RAD54L: variants seen among roughly 807,000 people sequenced by gnomAD.
RAD54L encodes RAD54 like.
RAD54L carries 74 observed loss-of-function variants against 91.6 expected under a neutral mutation model. The observed-to-expected ratio is 0.81, with a 90% CI of 0.67 to 0.98. The LOEUF is 0.98. RAD54L is among the 50% of genes least tolerant of loss of function. The pLI is 0.00. For synonymous variants in RAD54L, 304 were observed against 349.7 expected (o/e 0.87, Z 1.46); for missense variants, 887 against 945.7 (o/e 0.94, Z 0.81).
chr1:46,269,663 G>C (rs780547315), intron 9 of RAD54L, among the ~76,000 whole-genome samples: 2 of 152,112 alleles, frequency 1.3e-5, no homozygotes, highest in African/African-American at 4.8e-5. Context: ...CCTACTGCCT[G>C]CCATACCCAC....
intron 8 of RAD54L, among the ~76,000 whole-genome samples, chr1:46,264,500 G>A (rs28363224): frequency 0.044 from 6,749 of 152,290 alleles, 266 homozygotes; most frequent in African/African-American, 0.097. Flanking sequence ...ACTTACAAGC[G>A]TGACTTTCCA....
At chr1:46,255,515 T>C (rs1279830067) in intron 3 of RAD54L, among the ~76,000 whole-genome samples, 2 of 93,256 alleles carry the variant, frequency 2.1e-5, no homozygotes, top group Non-Finnish European at 5.0e-5. Context: ...TTTTTTTTTT[T>C]TGAGACATAG....
In RAD54L at chr1:46,273,335, T is replaced by G; in HGVS notation, c.1376-20T>G. 6.4e-7 allele frequency: 1 copy of G among 1,569,828 alleles called. No individual in the cohort carries two copies. The highest frequency in any genetic ancestry group is 8.8e-7 in the Non-Finnish European group (1 of 1,139,718). On this transcript the variant is annotated intron_variant, in intron 12 of 17. Coordinates refer to ENST00000371975, the MANE Select transcript of RAD54L (RefSeq NM_003579.4). ...ACTTCAGAAAGCAAAGTATCTGGGT[T>G]TTGTTTTGTTTTCTCCCAGATCCAG...
intron 9 of RAD54L, 186 bp downstream of exon 9, chr1:46,267,795 C>T: frequency 2.6e-6 from 2 of 780,898 alleles, no homozygotes; most frequent in South Asian, 1.6e-5. Flanking sequence ...TGCTGAGCAA[C>T]TCAGCAAAGC....
chr1:46,258,583 G>C, intron 3 of RAD54L, 103 bp from the exon 4 acceptor site: 1 of 917,240 alleles, frequency 1.1e-6, no homozygotes, highest in Non-Finnish European at 1.8e-6. Flanking sequence ...ATAAAGCCTC[G>C]AAGATGGATG....
In RAD54L at chr1:46,270,034, T is replaced by C. The variant is rs572342235; in HGVS notation, c.1043-625T>C. 2.0e-5 allele frequency among the ~76,000 whole-genome samples: 3 copies of C among 151,846 alleles called. No individual in the cohort carries two copies. In the East Asian group the frequency reaches 5.8e-4, roughly 29 times the overall value. On this transcript the variant is annotated intron_variant, in intron 9 of 17. Coordinates refer to ENST00000371975, the MANE Select transcript of RAD54L (RefSeq NM_003579.4). ...GCTGTGGTGAGCCATGATTGCCCCA[T>C]TGCATTCCAGCCTGGGCGACAGGGA...
chr1:46,250,254 G>C, intron 3 of RAD54L, 135 bp downstream of exon 3: 3 of 1,242,338 alleles, frequency 2.4e-6, no homozygotes, highest in Non-Finnish European at 3.5e-6. Context: ...CTTTGGACCT[G>C]CCCACAGCTG....
At position 46,253,612 on chromosome 1, in the gene RAD54L, TAAAA is replaced by T. The variant is rs775591800; in HGVS notation, c.210+3502_210+3505del. ...CCTGGTGACAGAGCGAGACTCTGTC[TAAAA>T]AAAAAAAAGAATTCACACAAAAAAT... On this transcript the variant is annotated intron_variant, in intron 3 of 17. Transcript: ENST00000371975. Among the ~76,000 whole-genome samples the T allele has an allele frequency of 2.4e-5, 3 of 127,142 alleles. No homozygotes were observed. The Admixed American group carries it at 2.5e-4, about 11-fold the overall frequency. 83.4% of individuals were successfully genotyped at this position (127,142 alleles called of 152,430 possible).
chr1:46,259,997 G>A lies in RAD54L; in HGVS notation c.305G>A (p.Arg102Lys), dbSNP rs765591007. The change falls in exon 5 of 18, where the codon AGG becomes AAG. Residue 102 changes from arginine (R) to lysine (K), a missense_variant. Transcript: ENST00000371975. ...GGCTCTCGAGCATTGGGCCTGAAAA[G>A]GGCTGGGGTCCGCCGGGCCCTCCAT... ...PLGSRALGLK[R>K]AGVRRALHDP... The A allele has an allele frequency of 6.2e-6, 10 of 1,614,032 alleles. No homozygotes were observed. Among genetic ancestry groups the A allele is most frequent in the Non-Finnish European group, 8.5e-7 (1 of 1,180,034 alleles).
rs377020524 is a variant in RAD54L, at chr1:46,273,743, C to T, written c.1606C>T (p.Arg536Ter). 2.2e-5 allele frequency: 36 copies of T among 1,605,288 alleles called. No homozygotes were observed. The highest frequency in any genetic ancestry group is 1.5e-4 in the African/African-American group (11 of 74,938). Residue 536 changes from arginine (R) to a stop codon, truncating the protein, a stop_gained, in exon 14 of 18, where the codon CGA (arginine) becomes TGA (stop). Coordinates refer to ENST00000371975, the MANE Select transcript of RAD54L (RefSeq NM_003579.4). LOFTEE classifies it high-confidence loss of function. ...LDLFEKLCRA[R>*]RYLYVRLDGT... Reference sequence around the variant, plus strand: ...TCTCTTTGAGAAGCTGTGCCGTGCCCGAAGGTAGGGAAGATCCTAACCAGG... The same window carrying T: ...TCTCTTTGAGAAGCTGTGCCGTGCCTGAAGGTAGGGAAGATCCTAACCAGG...
In RAD54L at chr1:46,260,563, G is replaced by C; in HGVS notation, c.429G>C (p.Val143=). Residue 143 remains valine, a synonymous_variant, in exon 6 of 18, where the codon GTG becomes GTC. Coordinates refer to ENST00000371975, the MANE Select transcript of RAD54L (RefSeq NM_003579.4). The stretch of plus-strand genomic sequence containing the variant: ...TCAGGGAGAAACTCCCTGTCCATGT[G>C]GTTGTTGACCCTATTCTCAGTAAGG... ...KLDKEKLPVH[V]VVDPILSKVL... 2.5e-6 allele frequency: 4 copies of C among 1,614,100 alleles called. No individual in the cohort carries two copies. In the South Asian group the frequency reaches 4.4e-5, roughly 18 times the overall value.
At chr1:46,271,476 G>A (rs184047061) in intron 10 of RAD54L, among the ~76,000 whole-genome samples, 1 of 152,160 alleles carries the variant, frequency 6.6e-6, no homozygotes, top group East Asian at 1.9e-4. Context: ...GCCAACATGG[G>A]GAAACTCCCA....
chr1:46,254,274 CTCTTTTTTTT>C (rs1347851631), intron 3 of RAD54L, among the ~76,000 whole-genome samples: 4 of 151,594 alleles, frequency 2.6e-5, no homozygotes, highest in South Asian at 2.1e-4. Context: ...TGCATCTGGC[CTCTTTTTTTT>C]TCTTTTTTTT....
chr1:46,248,341 TA>T lies in RAD54L; in HGVS notation c.-64del, dbSNP rs1180400364. 6.2e-7 allele frequency: 1 copy of T among 1,603,880 alleles called. No homozygotes were observed. The highest frequency in any genetic ancestry group is 1.3e-5 in the African/African-American group (1 of 74,714). On this transcript the variant is annotated 5_prime_UTR_variant, in exon 1 of 18. Coordinates refer to ENST00000371975, the MANE Select transcript of RAD54L (RefSeq NM_003579.4). ...AGATTAGACCCTGGTCCTACACTCT[TA>T]GCCGCTGCCTGCTTTTGACCTTTGG...
Position 46,248,308 on chromosome 1 carries a change from C to T in RAD54L, c.-98C>T. 1 of 1,433,478 alleles carries T rather than the reference C, an allele frequency of 7.0e-7. No individual in the cohort carries two copies. The highest frequency in any genetic ancestry group is 9.8e-7 in the Non-Finnish European group (1 of 1,025,558). The allele number at this position is 1,433,478 out of a possible 1,614,324, so 88.8% of individuals were successfully genotyped here. ...CGGTCCTCTCAATAATGTAGCAGCC[C>T]CCTCTACAGATTAGACCCTGGTCCT... On this transcript the variant is annotated 5_prime_UTR_variant, in exon 1 of 18. Transcript: ENST00000371975.
chr1:46,264,592 C>T (rs1569591820), intron 8 of RAD54L, among the ~76,000 whole-genome samples: 5 of 152,274 alleles, frequency 3.3e-5, no homozygotes, highest in African/African-American at 9.6e-5. Flanking sequence ...TGATACAGAT[C>T]AAGAGAGGAT....
Position 46,261,260 on chromosome 1 carries a change from G to C in RAD54L, c.767-1G>C, listed in dbSNP as rs56884435. ...TTCCCTTTACACCTTTTCTGTTGTAGAAGGATTCATGAACCAGCGTGGAGC... is the reference window on the plus strand; with the variant it reads ...TTCCCTTTACACCTTTTCTGTTGTACAAGGATTCATGAACCAGCGTGGAGC... On this transcript the variant is annotated splice_acceptor_variant, in intron 7 of 17. Coordinates refer to ENST00000371975, the MANE Select transcript of RAD54L (RefSeq NM_003579.4). LOFTEE classifies it high-confidence loss of function. The C allele has an allele frequency of 1.2e-6, 2 of 1,605,076 alleles. No homozygotes were observed. The highest frequency in any genetic ancestry group is 2.2e-5 in the East Asian group (1 of 44,620).
At chr1:46,268,765 C>T (rs1408895764) in intron 9 of RAD54L, among the ~76,000 whole-genome samples, 1 of 152,098 alleles carries the variant, frequency 6.6e-6, no homozygotes, top group Non-Finnish European at 1.5e-5. Flanking sequence ...ACAATTTATT[C>T]TACTGGTTTG....
Position 46,274,859 on chromosome 1 carries a change from T to C in RAD54L, c.1869+142T>C. ...GGGCCCAGAAGTGAGTCTTTTATTC[T>C]TCTGTTCTCCCTCCCCTTCTCTCCA... On this transcript the variant is annotated intron_variant, in intron 16 of 17. Coordinates refer to ENST00000371975, the MANE Select transcript of RAD54L (RefSeq NM_003579.4). 3 of 982,384 alleles carry C rather than the reference T, an allele frequency of 3.1e-6. No individual in the cohort carries two copies. The South Asian group carries it at 4.0e-5, about 13-fold the overall frequency. 60.9% of individuals were successfully genotyped at this position (982,384 alleles called of 1,614,324 possible).
Sources: gnomAD v4.1 joint callset for allele counts (sites outside exome capture counted in the v4.1 genomes callset) on GRCh38, gnomAD v4.1.1 for gene constraint, MANE v1.5 for transcripts, NCBI Gene and HGNC (gene_info 2026-07-23, HGNC 2026-07-21) for gene names.